Variants in NECAB2 observed in about 807,000 individuals in gnomAD.
NECAB2 encodes the protein N-terminal EF-hand calcium-binding protein 2.
In NECAB2, 68 loss-of-function variants were observed where a neutral mutation model predicts 51.9. That is an observed-to-expected ratio of 1.31 (90% CI 1.08 to 1.60). NECAB2 has a LOEUF of 1.60. Among genes scored for constraint, NECAB2 ranks in the 40% most tolerant of loss-of-function variants. The probability of loss-of-function intolerance (pLI) is 0.00; values close to 1 mark genes in which losing one functional copy is unlikely to be tolerated. For missense variants in NECAB2, 854 were observed against 490.3 expected (o/e 1.74, Z -7.00); for synonymous variants, 329 against 203.5 (o/e 1.62, Z -5.25).
intron 10 of NECAB2, among the ~76,000 whole-genome samples, chr16:83,998,984 G>A (rs112044591): frequency 7.9e-5 from 12 of 152,252 alleles, no homozygotes; most frequent in East Asian, 3.9e-4. Context: ...CCCGCCCCCC[G>A]TTTCTGCAGC....
upstream of NECAB2, chr16:83,965,281 G>T (rs369018666): frequency 1.2e-6 from 2 of 1,604,872 alleles, no homozygotes; most frequent in African/African-American, 2.7e-5. Context: ...AGCCCTTCTC[G>T]CTGTGGGCCC....
At chr16:83,997,835 G>T (rs2084737600) in intron 9 of NECAB2, among the ~76,000 whole-genome samples, 1 of 152,144 alleles carries the variant, frequency 6.6e-6, no homozygotes, top group South Asian at 2.1e-4. Context: ...TTGGCATAGA[G>T]CAAAGTGATC....
chr16:84,001,732 C>T (rs1699547054), intron 11 of NECAB2, 93 bp from the exon 12 acceptor site: 1 of 1,371,460 alleles, frequency 7.3e-7, no homozygotes, highest in African/African-American at 1.5e-5. Context: ...TTGATAAGCT[C>T]CCCATTTTGG....
upstream of NECAB2, among the ~76,000 whole-genome samples, chr16:83,966,979 C>A (rs1420550614): frequency 6.6e-6 from 1 of 152,064 alleles, no homozygotes; most frequent in African/African-American, 2.4e-5. Flanking sequence ...TGAAATGATT[C>A]TCCTGTCTCA....
At chr16:83,989,585 G>A (rs1045601625) in intron 5 of NECAB2, among the ~76,000 whole-genome samples, 2 of 152,200 alleles carry the variant, frequency 1.3e-5, no homozygotes, top group African/African-American at 4.8e-5. Context: ...TGGCAGAGGA[G>A]GCCAGGAGAG....
At chr16:83,984,138 G>T (rs1346374262) in intron 5 of NECAB2, among the ~76,000 whole-genome samples, 2 of 151,684 alleles carry the variant, frequency 1.3e-5, no homozygotes, top group Admixed American at 1.3e-4. Context: ...TGGGACTACA[G>T]GCGCCCGCTA....
At chr16:83,990,452 C>A (rs780829796) in intron 5 of NECAB2, 42 bp from the exon 6 acceptor site, 2 of 1,607,320 alleles carry the variant, frequency 1.2e-6, no homozygotes, top group South Asian at 2.2e-5. Context: ...CAATTTCCCT[C>A]CCACCCCTTT....
intron 5 of NECAB2, among the ~76,000 whole-genome samples, chr16:83,983,999 T>G (rs866389400): frequency 4.9e-5 from 5 of 102,258 alleles, no homozygotes; most frequent in South Asian, 3.0e-4. Flanking sequence ...TATGGTGGTT[T>G]TTTTTTTTTT....
At chr16:83,989,115 G>T (rs1026499588) in intron 5 of NECAB2, among the ~76,000 whole-genome samples, 1 of 152,156 alleles carries the variant, frequency 6.6e-6, no homozygotes, top group Non-Finnish European at 1.5e-5. Flanking sequence ...GCAGCCTTTT[G>T]CTTTGTGTTT....
Position 83,978,540 on chromosome 16 carries a change from C to T in NECAB2, c.323C>T (p.Ser108Phe). The change falls in exon 3 of 13, where the codon TCT (serine) becomes TTT (phenylalanine). Residue 108 changes from serine to phenylalanine, a missense_variant. By Grantham distance (155) the Ser-to-Phe change is radical (BLOSUM62 -2). Transcript: ENST00000305202. ...GAGGATCTCTTTCACACGATTGACT[C>T]TGACAACACCAAGTGAGCTTCAGTC... ...ELEDLFHTID[S>F]DNTNHVDTKE... 1 of 1,613,144 alleles carries T rather than the reference C, an allele frequency of 6.2e-7. No homozygotes were observed. The highest frequency in any genetic ancestry group is 8.5e-7 in the Non-Finnish European group (1 of 1,179,412).
At chr16:83,969,778 T>G (rs1597190609) in intron 1 of NECAB2, among the ~76,000 whole-genome samples, 1 of 152,060 alleles carries the variant, frequency 6.6e-6, no homozygotes, top group Non-Finnish European at 1.5e-5. Context: ...GGGGTGGGGC[T>G]GGGGGCTGCC....
intron 10 of NECAB2, among the ~76,000 whole-genome samples, chr16:83,998,970 G>T (rs1328757716): frequency 6.6e-6 from 1 of 152,122 alleles, no homozygotes; most frequent in Non-Finnish European, 1.5e-5. Context: ...GCTGGTAGTG[G>T]TCCCCCGCCC....
chr16:83,977,763 A>G (rs183876588), intron 2 of NECAB2, among the ~76,000 whole-genome samples: 3 of 152,324 alleles, frequency 2.0e-5, no homozygotes, highest in African/African-American at 7.2e-5. Flanking sequence ...ATTGGCAGCC[A>G]TCTCATGCTG....
intron 9 of NECAB2, among the ~76,000 whole-genome samples, 187 bp downstream of exon 9, chr16:83,997,456 G>A (rs971281323): frequency 2.8e-5 from 4 of 143,682 alleles, no homozygotes; most frequent in Admixed American, 6.9e-5. Context: ...AACTCCGGGG[G>A]TATTTCTTGA....
upstream of NECAB2, chr16:83,965,216 G>C (rs779262495): frequency 1.2e-6 from 2 of 1,613,056 alleles, no homozygotes; most frequent in Non-Finnish European, 1.7e-6. Flanking sequence ...TGGGGCCCAG[G>C]ACTCCAGCCC....
chr16:83,980,325 T>A (rs1401356285), intron 3 of NECAB2, among the ~76,000 whole-genome samples: 1 of 152,084 alleles, frequency 6.6e-6, no homozygotes. Flanking sequence ...AGGCTCATGC[T>A]CAGCCTGCTC....
At chr16:83,973,875 C>T (rs916261552) in intron 2 of NECAB2, among the ~76,000 whole-genome samples, 6 of 152,066 alleles carry the variant, frequency 3.9e-5, no homozygotes, top group Non-Finnish European at 7.4e-5. Flanking sequence ...GGCTGTGCAT[C>T]CCGAGTGTGT....
chr16:83,974,284 C>A (rs569191323), intron 2 of NECAB2, among the ~76,000 whole-genome samples: 106 of 152,304 alleles, frequency 7.0e-4, no homozygotes, highest in African/African-American at 2.5e-3. Context: ...AGGCAAGTCA[C>A]CAAATTCTGC....
intron 4 of NECAB2, 51 bp downstream of exon 4, chr16:83,980,915 G>T (rs1158894224): frequency 6.2e-7 from 1 of 1,612,572 alleles, no homozygotes. Flanking sequence ...GGATGGGGCT[G>T]GATGAGAAGG....
Sources: gnomAD v4.1 joint callset for allele counts (sites outside exome capture counted in the v4.1 genomes callset) on GRCh38, gnomAD v4.1.1 for gene constraint, MANE v1.5 for transcripts, NCBI Gene and HGNC (gene_info 2026-07-23, HGNC 2026-07-21) for gene names.